HSD17B3: variants seen among roughly 807,000 people sequenced by gnomAD.
HSD17B3 encodes the protein hydroxysteroid 17-beta dehydrogenase 3.
In HSD17B3, 29 loss-of-function variants were observed where a neutral mutation model predicts 41.1. The observed-to-expected ratio is 0.71, with a 90% CI of 0.53 to 0.96. The LOEUF (loss-of-function observed/expected upper bound fraction) is 0.96. HSD17B3 is among the 40% of genes least tolerant of loss of function. The pLI is 0.00. For synonymous variants in HSD17B3, 126 were observed against 145.6 expected (o/e 0.87, Z 0.97); for missense variants, 323 against 374.6 (o/e 0.86, Z 1.14).
intron 2 of HSD17B3, among the ~76,000 whole-genome samples, chr9:96,288,172 G>A (rs1020737854): frequency 2.0e-5 from 3 of 152,228 alleles, no homozygotes; most frequent in Admixed American, 6.5e-5. Context: ...TTACTCGAGT[G>A]ATGGAAATGT....
At chr9:96,272,384 T>C (rs1035944697) in intron 2 of HSD17B3, among the ~76,000 whole-genome samples, 3 of 23,094 alleles carry the variant, frequency 1.3e-4, no homozygotes, top group African/African-American at 4.9e-4. Flanking sequence ...TCTCTCTCTC[T>C]CTCTCTCTCT....
chr9:96,276,231 A>C (rs8190525), intron 2 of HSD17B3, among the ~76,000 whole-genome samples: 4,176 of 152,120 alleles, frequency 0.027, 185 homozygotes, highest in African/African-American at 0.094. Context: ...TTTATAAAAC[A>C]TTAATGAAGG....
chr9:96,241,961 A>AAAAAGAAAG (rs1554692345), intron 9 of HSD17B3, among the ~76,000 whole-genome samples: 12 of 100,698 alleles, frequency 1.2e-4, no homozygotes, highest in African/African-American at 4.1e-4. Flanking sequence ...AAAGAACAGA[A>AAAAAGAAAG]AAAGAAAGAA....
Position 96,254,887 on chromosome 9 carries a change from C to A in HSD17B3, c.258G>T (p.Glu86Asp). The A allele has an allele frequency of 6.2e-7, 1 of 1,614,090 alleles. No individual in the cohort carries two copies. The highest frequency in any genetic ancestry group is 8.5e-7 in the Non-Finnish European group (1 of 1,179,980). ...VLISRTLEKL[E>D]AIATEIERTT... is the part of the protein sequence containing the mutation. ...ACTCACCGATCTCTGTGGCAATGGC[C>A]TCTAGTTTTTCCAGCGTCCGGCTAA... The change falls in exon 3 of 11, where the codon GAG becomes GAT. Residue 86 changes from glutamate to aspartate, a missense_variant. Transcript: ENST00000375263.
At chr9:96,260,957 C>G (rs1469112491) in intron 2 of HSD17B3, among the ~76,000 whole-genome samples, 1 of 152,126 alleles carries the variant, frequency 6.6e-6, no homozygotes, top group Non-Finnish European at 1.5e-5. Flanking sequence ...CCCTTCCCGT[C>G]TTGTTTCAGG....
chr9:96,252,440 G>C (rs1825457619), intron 4 of HSD17B3, among the ~76,000 whole-genome samples: 1 of 151,314 alleles, frequency 6.6e-6, no homozygotes. Flanking sequence ...CTGCTTGGGA[G>C]ACTGAGGCAG....
At chr9:96,255,317 G>T (rs1825589683) in intron 2 of HSD17B3, among the ~76,000 whole-genome samples, 1 of 148,566 alleles carries the variant, frequency 6.7e-6, no homozygotes, top group Non-Finnish European at 1.5e-5. Context: ...TATGTAGCAG[G>T]GGGTGGGGCA....
intron 1 of HSD17B3, among the ~76,000 whole-genome samples, chr9:96,299,531 G>A (rs200514327): frequency 1.3e-5 from 2 of 152,036 alleles, no homozygotes; most frequent in Non-Finnish European, 2.9e-5. Flanking sequence ...GACGGATAAC[G>A]GTCACACACT....
At chr9:96,263,597 C>T (rs888075611) in intron 2 of HSD17B3, among the ~76,000 whole-genome samples, 8 of 151,178 alleles carry the variant, frequency 5.3e-5, no homozygotes, top group South Asian at 2.1e-4. Flanking sequence ...GGCGTGGTGG[C>T]GGGCGCCTGT....
At chr9:96,281,812 G>A (rs1564055367) in intron 2 of HSD17B3, among the ~76,000 whole-genome samples, 2 of 152,146 alleles carry the variant, frequency 1.3e-5, no homozygotes, top group Non-Finnish European at 2.9e-5. Flanking sequence ...TGCTGCAATG[G>A]GTGGTTTTTT....
chr9:96,256,491 A>G (rs1182518274), intron 2 of HSD17B3, among the ~76,000 whole-genome samples: 1 of 152,018 alleles, frequency 6.6e-6, no homozygotes, highest in Non-Finnish European at 1.5e-5. Context: ...AAAAATAAAA[A>G]ATAAAAATAA....
chr9:96,242,575 G>A (rs1465864331), intron 9 of HSD17B3, among the ~76,000 whole-genome samples: 2 of 152,130 alleles, frequency 1.3e-5, no homozygotes, highest in Non-Finnish European at 2.9e-5. Flanking sequence ...TTCATTCAGC[G>A]AGTATTTATT....
chr9:96,242,531 G>A (rs1836496296), intron 9 of HSD17B3, among the ~76,000 whole-genome samples: 1 of 152,182 alleles, frequency 6.6e-6, no homozygotes, highest in Non-Finnish European at 1.5e-5. Flanking sequence ...CAACTCCACA[G>A]TACATACTTC....
At position 96,300,514 on chromosome 9, in the gene HSD17B3, T is replaced by C. The variant is rs571112478; in HGVS notation, c.154+1437A>G. ...TAAATTTAACTGGGTATCCTGTATT[T>C]TATCTGGCAGCCCTATAAGCATATT... On this transcript the variant is annotated intron_variant, in intron 1 of 10. Coordinates refer to ENST00000375263, the MANE Select transcript of HSD17B3 (RefSeq NM_000197.2). 1.2e-3 allele frequency among the ~76,000 whole-genome samples: 165 copies of C among 142,032 alleles called. 23 individuals carry two copies. The highest frequency in any genetic ancestry group is 1.2e-3 in the Non-Finnish European group (81 of 65,392). The allele number at this position is 142,032 out of a possible 152,430, so 93.2% of individuals were successfully genotyped here.
chr9:96,236,037 C>T (rs62557536), intron 10 of HSD17B3, among the ~76,000 whole-genome samples: 68,374 of 150,644 alleles, frequency 0.45, 15,701 homozygotes, highest in East Asian at 0.5. Context: ...CTCAAACTCC[C>T]GGACTTAAGT....
chr9:96,262,461 G>T (rs1368662045), intron 2 of HSD17B3, among the ~76,000 whole-genome samples: 1 of 151,676 alleles, frequency 6.6e-6, no homozygotes, highest in Non-Finnish European at 1.5e-5. Flanking sequence ...GGCCAGGCTG[G>T]TCTTGAACTC....
chr9:96,287,456 A>G (rs1826967882), intron 2 of HSD17B3, among the ~76,000 whole-genome samples: 1 of 152,042 alleles, frequency 6.6e-6, no homozygotes, highest in African/African-American at 2.4e-5. Context: ...CACGCCTGTA[A>G]TGCCAGCACT....
intron 1 of HSD17B3, among the ~76,000 whole-genome samples, chr9:96,300,734 A>G (rs1053652782): frequency 6.6e-6 from 1 of 152,032 alleles, no homozygotes; most frequent in South Asian, 2.1e-4. Flanking sequence ...CCTTAACTTC[A>G]GTCATAGGGC....
chr9:96,249,492 G>T, intron 6 of HSD17B3: 1 of 503,692 alleles, frequency 2.0e-6, no homozygotes. Context: ...CAGCATCATC[G>T]AGCTTAGTAT....
Sources: allele counts gnomAD v4.1 joint callset (sites outside exome capture counted in the v4.1 genomes callset), GRCh38; gene constraint gnomAD v4.1.1; transcripts MANE v1.5; gene names NCBI Gene and HGNC (gene_info 2026-07-23, HGNC 2026-07-21).